The following TAFA2 variants were observed in gnomAD, a reference collection of about 807,000 sequenced individuals.
The protein encoded by TAFA2 is TAFA chemokine like family member 2.
In TAFA2, 7 loss-of-function variants were observed where a neutral mutation model predicts 18.8. The observed-to-expected ratio is 0.37, with a 90% CI of 0.21 to 0.70. The LOEUF is 0.70. TAFA2 is among the 30% of genes least tolerant of loss of function. The pLI is 0.53. For synonymous variants in TAFA2, 60 were observed against 54.2 expected, an observed-to-expected ratio of 1.11 and a Z score of -0.47; for missense variants, 122 against 158.1, an observed-to-expected ratio of 0.77 and a Z score of 1.23.
intron 1 of TAFA2, among the ~76,000 whole-genome samples, chr12:62,216,622 A>C (rs2062737033): frequency 6.6e-6 from 1 of 152,232 alleles, no homozygotes; most frequent in Non-Finnish European, 1.5e-5. Context: ...AGAGCAGATT[A>C]CCACAAATTC....
rs968689517 is a variant in TAFA2 at position 62,010,525 on chromosome 12, G to A, written c.-1-143099C>T. ...TCGCTGCAACCTGCACCTTCCAGCCGCCTGCCTTGGCCTCCCAAAGTGCTA... is the reference window on the plus strand; with the variant it reads ...TCGCTGCAACCTGCACCTTCCAGCCACCTGCCTTGGCCTCCCAAAGTGCTA... On this transcript the variant is annotated intron_variant, in intron 1 of 4. Transcript: ENST00000416284. Among the ~76,000 whole-genome samples, 4 of 152,134 alleles carry A rather than the reference G, an allele frequency of 2.6e-5. 1 individual carries two copies. Among genetic ancestry groups the A allele is most frequent in the African/African-American group, 4.8e-5 (2 of 41,448 alleles).
chr12:62,081,034 AG>A (rs1299833906), intron 1 of TAFA2, among the ~76,000 whole-genome samples: 3 of 152,134 alleles, frequency 2.0e-5, no homozygotes, highest in Non-Finnish European at 4.4e-5. Context: ...CTCTACGAAA[AG>A]ACACAAAAAA....
At chr12:61,957,026 A>G (rs546895325) in intron 1 of TAFA2, among the ~76,000 whole-genome samples, 1 of 152,164 alleles carries the variant, frequency 6.6e-6, no homozygotes, top group Non-Finnish European at 1.5e-5. Context: ...CAAAATATGT[A>G]GGTAGAAAGT....
intron 1 of TAFA2, among the ~76,000 whole-genome samples, chr12:62,169,837 C>T (rs1263285655): frequency 8.1e-6 from 1 of 123,582 alleles, no homozygotes; most frequent in Non-Finnish European, 1.6e-5. Flanking sequence ...GGCGACAGGG[C>T]GAGACTCCGT....
intron 1 of TAFA2, among the ~76,000 whole-genome samples, chr12:61,915,191 T>C (rs1408122527): frequency 1.3e-5 from 2 of 152,064 alleles, no homozygotes; most frequent in East Asian, 3.9e-4. Context: ...GGAAAGAAAG[T>C]GATGTGGCGT....
At chr12:61,990,733 T>C (rs186271612) in intron 1 of TAFA2, among the ~76,000 whole-genome samples, 1 of 152,320 alleles carries the variant, frequency 6.6e-6, no homozygotes, top group East Asian at 1.9e-4. Context: ...TGGTAGTGCT[T>C]AGCAAACAAT....
intron 1 of TAFA2, among the ~76,000 whole-genome samples, chr12:62,141,957 T>C (rs1321129886): frequency 6.6e-6 from 1 of 152,202 alleles, no homozygotes; most frequent in African/African-American, 2.4e-5. Context: ...CACTAGGTTA[T>C]CATTGTTTCT....
At chr12:62,115,672 G>T (rs971476936) in intron 1 of TAFA2, among the ~76,000 whole-genome samples, 1 of 152,118 alleles carries the variant, frequency 6.6e-6, no homozygotes, top group Admixed American at 6.6e-5. Flanking sequence ...TGCTTCCCAC[G>T]GTTGTGTCTG....
intron 2 of TAFA2, among the ~76,000 whole-genome samples, chr12:61,804,164 A>T (rs1376319340): frequency 2.0e-5 from 3 of 151,986 alleles, no homozygotes; most frequent in African/African-American, 4.8e-5. Context: ...TCAAGTCAAG[A>T]CAATAATATA....
At chr12:61,983,814 A>G (rs76674756) in intron 1 of TAFA2, among the ~76,000 whole-genome samples, 1,568 of 152,300 alleles carry the variant, frequency 0.01, 10 homozygotes, top group Admixed American at 0.016. Flanking sequence ...CTCAAGTCCT[A>G]ATACTAACAC....
chr12:61,823,199 G>A (rs183738211), intron 2 of TAFA2, among the ~76,000 whole-genome samples: 2 of 151,648 alleles, frequency 1.3e-5, no homozygotes, highest in South Asian at 4.2e-4. Flanking sequence ...TTGAAATAGG[G>A]TCTCACTCTG....
At chr12:62,235,090 CCTTTGGAGTACT>C (rs919982988) in intron 1 of TAFA2, 9 of 626,030 alleles carry the variant, frequency 1.4e-5, no homozygotes, top group Non-Finnish European at 2.7e-5. Context: ...GCCCTGGCCA[CCTTTGGAGTACT>C]GGCCTCTCCT....
chr12:62,250,068 GCAT>G (rs1485483513), intron 1 of TAFA2, among the ~76,000 whole-genome samples: 1 of 152,178 alleles, frequency 6.6e-6, no homozygotes, highest in African/African-American at 2.4e-5. Flanking sequence ...TCAAGATGGG[GCAT>G]CTGCATCTGG....
At chr12:62,119,006 T>G (rs1045826491) in intron 1 of TAFA2, among the ~76,000 whole-genome samples, 2 of 152,162 alleles carry the variant, frequency 1.3e-5, no homozygotes, top group African/African-American at 4.8e-5. Context: ...AGAAATATCT[T>G]TCTACATCCT....
At chr12:62,132,651 G>T (rs371767172) in intron 1 of TAFA2, among the ~76,000 whole-genome samples, 4 of 151,850 alleles carry the variant, frequency 2.6e-5, no homozygotes, top group Non-Finnish European at 5.9e-5. Flanking sequence ...CAATATTGTA[G>T]TCAGATGCAT....
intron 1 of TAFA2, among the ~76,000 whole-genome samples, chr12:62,153,164 A>C (rs1379897188): frequency 6.6e-6 from 1 of 152,174 alleles, no homozygotes; most frequent in Non-Finnish European, 1.5e-5. Context: ...GTGGCTGTGG[A>C]AAGTAAGGTG....
intron 1 of TAFA2, among the ~76,000 whole-genome samples, chr12:61,933,214 C>A (rs1454288110): frequency 1.3e-5 from 2 of 152,158 alleles, no homozygotes; most frequent in Non-Finnish European, 2.9e-5. Context: ...AAGGAAGGAA[C>A]ACAGAATTTG....
At chr12:61,927,208 G>A (rs956410979) in intron 1 of TAFA2, among the ~76,000 whole-genome samples, 17 of 152,140 alleles carry the variant, frequency 1.1e-4, no homozygotes, top group African/African-American at 3.4e-4. Flanking sequence ...CAAATAGGAA[G>A]AGAGGAAGTC....
intron 2 of TAFA2, among the ~76,000 whole-genome samples, chr12:61,757,011 G>A (rs1189415417): frequency 6.6e-6 from 1 of 152,068 alleles, no homozygotes; most frequent in Non-Finnish European, 1.5e-5. Context: ...TCATGGAAAG[G>A]CTGGTACACT....
Sources: gnomAD v4.1 joint callset for allele counts (sites outside exome capture counted in the v4.1 genomes callset) on GRCh38, gnomAD v4.1.1 for gene constraint, MANE v1.5 for transcripts, NCBI Gene and HGNC (gene_info 2026-07-23, HGNC 2026-07-21) for gene names.